Variants in FMNL3 observed in about 807,000 individuals in gnomAD.
FMNL3 encodes the protein formin-like protein 3.
In FMNL3, 57 loss-of-function variants were observed where a neutral mutation model predicts 119.6. That is an observed-to-expected ratio of 0.48 (90% CI 0.39 to 0.59). FMNL3 has a LOEUF of 0.59. FMNL3 is among the 20% of genes least tolerant of loss of function. The pLI, the probability that FMNL3 is intolerant of heterozygous loss-of-function variation, is 0.00. For missense variants in FMNL3, 1,053 were observed against 1,323.5 expected (o/e 0.80, Z 3.17); for synonymous variants, 491 against 507.3 (o/e 0.97, Z 0.43).
chr12:49,648,943 A>C lies in FMNL3; in HGVS notation c.2515+86T>G. On this transcript the variant is annotated intron_variant, in intron 21 of 25. Transcript: ENST00000335154. ...GATAACAAAAGCCAGAAACAAATGG[A>C]CCCAAGTGTTCTCTCTCCTCATAGC... The C allele has an allele frequency of 8.0e-6, 12 of 1,504,506 alleles. No homozygotes were observed. The South Asian group carries it at 8.1e-5, about 10-fold the overall frequency. 93.2% of individuals were successfully genotyped at this position (1,504,506 alleles called of 1,614,324 possible). A position where few individuals can be genotyped will look rare whatever the true frequency, so the allele number is the denominator to read the frequency against.
intron 9 of FMNL3, 21 bp from the exon 10 acceptor site, chr12:49,655,005 A>G: frequency 6.2e-7 from 1 of 1,612,440 alleles, no homozygotes; most frequent in Non-Finnish European, 8.5e-7. Flanking sequence ...AAACTTTCTC[A>G]GTGAAAGGAT....
At position 49,647,442 on chromosome 12, in the gene FMNL3, G is replaced by C; in HGVS notation, c.2779-74C>G. On this transcript the variant is annotated intron_variant, in intron 23 of 25. Coordinates refer to ENST00000335154, the MANE Select transcript of FMNL3 (RefSeq NM_175736.5). This position sits in a 1 kb window ranked among gnomAD's most constrained non-coding sequence, Gnocchi z 4.9. ...GAGGGGAGGGGCTGACACTGAGGTG[G>C]AGAGTGGGTGGCAGTGGGACCCGCT... 6.6e-7 allele frequency: 1 copy of C among 1,508,130 alleles called. No homozygotes were observed. The highest frequency in any genetic ancestry group is 9.1e-7 in the Non-Finnish European group (1 of 1,094,400). 93.4% of individuals were successfully genotyped at this position (1,508,130 alleles called of 1,614,324 possible). A position where few individuals can be genotyped will look rare whatever the true frequency, so the allele number is the denominator to read the frequency against.
At position 49,654,231 on chromosome 12, in the gene FMNL3, C is replaced by T. The variant is rs375918768; in HGVS notation, c.1032G>A (p.Gln344=). 1.0e-4 allele frequency: 164 copies of T among 1,614,084 alleles called. No individual in the cohort carries two copies. The highest frequency in any genetic ancestry group is 1.3e-4 in the Non-Finnish European group (148 of 1,180,056). ...CTAGCCCCAGCTTGGTAAACTCATA[C>T]TGCAGGTGGACCCGGAAGTTCATGT... ...VEDMNFRVHL[Q]YEFTKLGLEE... The change falls in exon 11 of 26, where the codon CAG becomes CAA. Residue 344 remains glutamine, a synonymous_variant. Transcript: ENST00000335154.
Position 49,642,778 on chromosome 12 carries a change from G to A in FMNL3, c.*3037C>T. 2 of 1,442,318 alleles carry A rather than the reference G, an allele frequency of 1.4e-6. No homozygotes were observed. Among genetic ancestry groups the A allele is most frequent in the Non-Finnish European group, 9.5e-7 (1 of 1,048,964 alleles). 89.3% of individuals were successfully genotyped at this position (1,442,318 alleles called of 1,614,324 possible). A position where few individuals can be genotyped will look rare whatever the true frequency, so the allele number is the denominator to read the frequency against. On this transcript the variant is annotated 3_prime_UTR_variant, in exon 26 of 26. Coordinates refer to ENST00000335154, the MANE Select transcript of FMNL3 (RefSeq NM_175736.5). This position sits in a 1 kb window ranked among gnomAD's most constrained non-coding sequence, Gnocchi z 5.8. Reference sequence around the variant, plus strand: ...TCCCTCTTACCCTTAGGGCACTCCTGGCCAGCTAAGGAAGGGGAGGCCTGA... The same window carrying A: ...TCCCTCTTACCCTTAGGGCACTCCTAGCCAGCTAAGGAAGGGGAGGCCTGA...
chr12:49,699,988 C>T (rs187417493), intron 1 of FMNL3, among the ~76,000 whole-genome samples: 47 of 152,298 alleles, frequency 3.1e-4, no homozygotes, highest in Middle Eastern at 6.8e-3. Flanking sequence ...AAACCATATA[C>T]CCTTTGGCCC....
rs1416776934 is a variant in FMNL3, at chr12:49,649,889, C to T, written c.2037G>A (p.Glu679=). ...CTGTGGGCAGGAAGCGCATCAGGCA[C>T]TCCACGAAGTCCACAGGTAGTGTCT... ...DLQTLPVDFV[E]CLMRFLPTEA... is the part of the protein sequence containing the mutation. The change falls in exon 18 of 26, where the codon GAG becomes GAA. Residue 679 remains glutamate, a synonymous_variant. Coordinates refer to ENST00000335154, the MANE Select transcript of FMNL3 (RefSeq NM_175736.5). The surrounding 1 kb of genome is among the most constrained non-coding windows in gnomAD (Gnocchi z 5.6). The T allele has an allele frequency of 1.2e-6, 2 of 1,614,066 alleles. No individual in the cohort carries two copies. Among genetic ancestry groups the T allele is most frequent in the South Asian group, 2.2e-5 (2 of 91,088 alleles).
intron 1 of FMNL3, among the ~76,000 whole-genome samples, chr12:49,692,942 G>A (rs1216319073): frequency 3.9e-5 from 6 of 152,152 alleles, no homozygotes; most frequent in Non-Finnish European, 8.8e-5. Flanking sequence ...TATCCCAGGA[G>A]AGGAAACAGC....
rs746062262 is a variant in FMNL3, at chr12:49,686,578, CAAAAAAAAAAAA to C, written c.127-18036_127-18025del. ...GGGCGACAGAGCGAGACTTCATCTC[CAAAAAAAAAAAA>C]AAAAAAAAAAGTATTGAGCACCTTT... is the stretch of plus-strand genomic sequence containing the variant. On this transcript the variant is annotated intron_variant, in intron 1 of 25. Transcript: ENST00000335154. Among the ~76,000 whole-genome samples the C allele has an allele frequency of 4.8e-5, 3 of 61,902 alleles. No individual in the cohort carries two copies. In the East Asian group the frequency reaches 1.5e-3, roughly 31 times the overall value. The allele number at this position is 61,902 out of a possible 152,430, so 40.6% of individuals were successfully genotyped here.
rs1016185320 is a variant in FMNL3 at position 49,661,875 on chromosome 12, T to C, written c.452+91A>G. On this transcript the variant is annotated intron_variant, in intron 5 of 25. Coordinates refer to ENST00000335154, the MANE Select transcript of FMNL3 (RefSeq NM_175736.5). ...TCCAGGATTCCCATTTCCATCTTCA[T>C]TGTTGAACTCTCACCCTTCCTTATC... 4.1e-6 allele frequency: 5 copies of C among 1,218,464 alleles called. No individual in the cohort carries two copies. The Admixed American group carries it at 5.1e-5, about 13-fold the overall frequency. The allele number at this position is 1,218,464 out of a possible 1,614,324, so 75.5% of individuals were successfully genotyped here.
At chr12:49,672,619 CCT>C (rs1944076520) in intron 1 of FMNL3, among the ~76,000 whole-genome samples, 1 of 152,174 alleles carries the variant, frequency 6.6e-6, no homozygotes. Flanking sequence ...CCACCTGACC[CCT>C]GACAGCCCCA....
rs1291019615 is a variant in FMNL3 at position 49,644,086 on chromosome 12, C to T, written c.*1729G>A. 1.1e-5 allele frequency: 18 copies of T among 1,614,186 alleles called. No individual in the cohort carries two copies. The highest frequency in any genetic ancestry group is 1.4e-5 in the Non-Finnish European group (17 of 1,180,026). On this transcript the variant is annotated 3_prime_UTR_variant, in exon 26 of 26. Coordinates refer to ENST00000335154, the MANE Select transcript of FMNL3 (RefSeq NM_175736.5). ...AGTGCAGGCTAAGGGTGAACTGTGC[C>T]TTTGCTCCAACAGACAGGCTGGGAC... is the stretch of plus-strand genomic sequence containing the variant.
chr12:49,679,519 C>CT (rs551320921), intron 1 of FMNL3, among the ~76,000 whole-genome samples: 4,958 of 90,610 alleles, frequency 0.055, 270 homozygotes, highest in Non-Finnish European at 0.074. Flanking sequence ...GCATTTGTGT[C>CT]TTTTTTTTTT....
At chr12:49,690,899 G>A (rs1324388702) in intron 1 of FMNL3, among the ~76,000 whole-genome samples, 1 of 152,208 alleles carries the variant, frequency 6.6e-6, no homozygotes, top group Non-Finnish European at 1.5e-5. Flanking sequence ...ACAAGAATTA[G>A]CCAGGCGTGG....
chr12:49,650,822 G>T lies in FMNL3; in HGVS notation c.1854C>A (p.Ala618=). The change falls in exon 17 of 26, where the codon GCC becomes GCA. Residue 618 remains alanine (A), a synonymous_variant. Coordinates refer to ENST00000335154, the MANE Select transcript of FMNL3 (RefSeq NM_175736.5). ...TGTTTTTGGAGCAGATGAGGTCAAG[G>T]GCAGGGCCCTGCGCTTTTGTCTTGA... is the stretch of plus-strand genomic sequence containing the variant. ...ELFKTKAQGP[A]LDLICSKNKT... The T allele has an allele frequency of 6.2e-7, 1 of 1,614,186 alleles. No individual in the cohort carries two copies. Among genetic ancestry groups the T allele is most frequent in the Non-Finnish European group, 8.5e-7 (1 of 1,180,030 alleles).
intron 1 of FMNL3, among the ~76,000 whole-genome samples, chr12:49,686,451 G>T (rs946153104): frequency 6.6e-6 from 1 of 151,524 alleles, no homozygotes; most frequent in African/African-American, 2.4e-5. Context: ...GGTGGCGGGC[G>T]CCTGTAGTCC....
intron 17 of FMNL3, 76 bp from the exon 18 acceptor site, chr12:49,650,001 C>T: frequency 7.7e-7 from 1 of 1,301,052 alleles, no homozygotes; most frequent in Non-Finnish European, 1.1e-6. Flanking sequence ...TCTCCAAGCT[C>T]CTAGAAGAAC....
At position 49,636,787 on chromosome 12, in the gene FMNL3, G is replaced by A; in HGVS notation, c.*9028C>T. The A allele has an allele frequency of 6.2e-7, 1 of 1,614,208 alleles. No homozygotes were observed. Among genetic ancestry groups the A allele is most frequent in the East Asian group, 2.2e-5 (1 of 44,884 alleles). On this transcript the variant is annotated 3_prime_UTR_variant, in exon 26 of 26. Coordinates refer to ENST00000335154, the MANE Select transcript of FMNL3 (RefSeq NM_175736.5). ...AGCTTTGGAGAGGGAAGAGGAGGAG[G>A]AACGGGAGCGGGCCCGGCTTCGGGA...
intron 1 of FMNL3, among the ~76,000 whole-genome samples, chr12:49,688,877 A>G (rs1386910188): frequency 6.6e-6 from 1 of 152,228 alleles, no homozygotes; most frequent in East Asian, 1.9e-4. Context: ...GAAATGAGAT[A>G]TATTTATTGA....
At chr12:49,697,637 A>G (rs1350502336) in intron 1 of FMNL3, among the ~76,000 whole-genome samples, 1 of 152,170 alleles carries the variant, frequency 6.6e-6, no homozygotes. Flanking sequence ...CCTCAGTTGA[A>G]AGCTACTTTA....
Sources: allele counts gnomAD v4.1 joint callset (sites outside exome capture counted in the v4.1 genomes callset), GRCh38; gene constraint gnomAD v4.1.1; non-coding constraint Gnocchi (gnomAD v3.1); transcripts MANE v1.5; gene names NCBI Gene and HGNC (gene_info 2026-07-23, HGNC 2026-07-21).